LMO7: variants seen among roughly 807,000 people sequenced by gnomAD.
The protein encoded by LMO7 is LIM domain only protein 7.
LMO7 carries 120 observed loss-of-function variants against 206.5 expected under a neutral mutation model. The observed-to-expected ratio is 0.58, with a 90% confidence interval of 0.50 to 0.68. The LOEUF is 0.68. Among genes scored for constraint, LMO7 ranks in the 30% least tolerant of loss-of-function variants. The pLI is 0.00. For synonymous variants in LMO7, 706 were observed against 681.5 expected (o/e 1.04, Z -0.56); for missense variants, 1,959 against 1,957.9 (o/e 1.00, Z -0.01).
intron 1 of LMO7, among the ~76,000 whole-genome samples, chr13:75,677,911 C>A (rs560858790): frequency 6.7e-6 from 1 of 149,992 alleles, no homozygotes; most frequent in African/African-American, 2.5e-5. Flanking sequence ...TTTGTCCTTG[C>A]GATAGTTTGC....
chr13:75,737,752 C>CAAA (rs374266925), intron 3 of LMO7, among the ~76,000 whole-genome samples: 12,190 of 34,884 alleles, frequency 0.35, 2,172 homozygotes, highest in East Asian at 0.45. Context: ...GACTCCGTCT[C>CAAA]AAAAAAAAAA....
At chr13:75,668,117 A>G (rs1382273409) in intron 1 of LMO7, among the ~76,000 whole-genome samples, 1 of 152,206 alleles carries the variant, frequency 6.6e-6, no homozygotes, top group African/African-American at 2.4e-5. Context: ...CTGAGGCACA[A>G]GAATTGCTTG....
At chr13:75,801,490 A>G (rs1327336925) in intron 7 of LMO7, among the ~76,000 whole-genome samples, 2 of 152,198 alleles carry the variant, frequency 1.3e-5, no homozygotes, top group African/African-American at 4.8e-5. Flanking sequence ...CCCAGGACAG[A>G]GCAAGTGTGA....
At chr13:75,837,984 G>A (rs1413863315) in intron 19 of LMO7, among the ~76,000 whole-genome samples, 156 bp from the exon 20 acceptor site, 2 of 152,060 alleles carry the variant, frequency 1.3e-5, no homozygotes, top group Non-Finnish European at 2.9e-5. Flanking sequence ...GTGTGTCCCT[G>A]TGCCTTGAAA....
intron 1 of LMO7, among the ~76,000 whole-genome samples, chr13:75,692,464 C>T (rs928061996): frequency 3.3e-5 from 5 of 151,528 alleles, no homozygotes; most frequent in African/African-American, 1.2e-4. Flanking sequence ...TAACTTACTG[C>T]AGCCTTGAAC....
At chr13:75,713,555 A>T (rs2043292074) in intron 2 of LMO7, among the ~76,000 whole-genome samples, 1 of 152,196 alleles carries the variant, frequency 6.6e-6, no homozygotes, top group Admixed American at 6.5e-5. Context: ...AAGCCTTATG[A>T]CATGTTACCA....
chr13:75,790,849 T>G (rs2053176837), intron 4 of LMO7, among the ~76,000 whole-genome samples: 1 of 152,172 alleles, frequency 6.6e-6, no homozygotes, highest in Non-Finnish European at 1.5e-5. Flanking sequence ...GAAGATTGTG[T>G]CTATGCTGTA....
At chr13:75,796,439 C>G (rs1216517394) in intron 5 of LMO7, among the ~76,000 whole-genome samples, 197 bp from the exon 6 acceptor site, 2 of 152,116 alleles carry the variant, frequency 1.3e-5, no homozygotes, top group African/African-American at 2.4e-5. Context: ...AGAACTTGCT[C>G]AGAGACAGGA....
chr13:75,762,951 C>T lies in LMO7; in HGVS notation c.317+1913C>T, dbSNP rs114341506. 6.0e-3 allele frequency among the ~76,000 whole-genome samples: 916 copies of T among 152,230 alleles called. 9 individuals carry two copies. The highest frequency in any genetic ancestry group is 0.02 in the African/African-American group (832 of 41,542). On this transcript the variant is annotated intron_variant, in intron 4 of 30. Transcript: ENST00000377534. ...AAAAAATGTTGTCCAAGTTCTTATG[C>T]CCTGAGATAGCACTTTTAGTAAAGG...
At chr13:75,665,294 G>A (rs1463215496) in intron 1 of LMO7, among the ~76,000 whole-genome samples, 2 of 151,754 alleles carry the variant, frequency 1.3e-5, no homozygotes, top group Non-Finnish European at 1.5e-5. Flanking sequence ...AATAGTTTAT[G>A]CTTTCCTCTT....
At chr13:75,774,125 A>G (rs1566429018) in intron 4 of LMO7, among the ~76,000 whole-genome samples, 3 of 151,830 alleles carry the variant, frequency 2.0e-5, no homozygotes, top group South Asian at 2.1e-4. Flanking sequence ...AATTTATTCT[A>G]TTTTGTTTAC....
intron 11 of LMO7, among the ~76,000 whole-genome samples, chr13:75,815,208 T>C (rs1212658287): frequency 2.0e-5 from 3 of 152,122 alleles, no homozygotes. Context: ...GGAGATGATG[T>C]GATAATTGTT....
chr13:75,681,675 TG>T (rs1464536618), intron 1 of LMO7, among the ~76,000 whole-genome samples: 1 of 144,484 alleles, frequency 6.9e-6, no homozygotes, highest in Non-Finnish European at 1.5e-5. Context: ...TTTTGTCTTT[TG>T]GGGAATGTCA....
At chr13:75,841,038 G>A (rs1422468028) in intron 22 of LMO7, 71 bp from the exon 23 acceptor site, 1 of 928,400 alleles carries the variant, frequency 1.1e-6, no homozygotes, top group East Asian at 2.6e-5. Context: ...GATCATAAAA[G>A]TGTTAATAAA....
At chr13:75,691,108 G>C (rs1171184772) in intron 1 of LMO7, among the ~76,000 whole-genome samples, 1 of 152,130 alleles carries the variant, frequency 6.6e-6, no homozygotes, top group African/African-American at 2.4e-5. Flanking sequence ...GTTTTGTTAA[G>C]TCCAATTGGA....
intron 1 of LMO7, among the ~76,000 whole-genome samples, chr13:75,712,848 G>A (rs1185666442): frequency 6.6e-6 from 1 of 152,110 alleles, no homozygotes; most frequent in Non-Finnish European, 1.5e-5. Flanking sequence ...TAGTAGAATA[G>A]ATCACCCATA....
chr13:75,663,710 G>A (rs1251334501), intron 1 of LMO7, among the ~76,000 whole-genome samples: 1 of 152,118 alleles, frequency 6.6e-6, no homozygotes. Context: ...GATTACAGGC[G>A]TGAGCCACTG....
At chr13:75,851,998 T>C (rs1385286879) in intron 27 of LMO7, among the ~76,000 whole-genome samples, 1 of 152,172 alleles carries the variant, frequency 6.6e-6, no homozygotes, top group Non-Finnish European at 1.5e-5. Context: ...ATTCAATAAG[T>C]TTAATATTTT....
At chr13:75,717,275 A>G (rs1182960720) in intron 2 of LMO7, among the ~76,000 whole-genome samples, 4 of 150,040 alleles carry the variant, frequency 2.7e-5, no homozygotes. Flanking sequence ...AGGCAGGAGA[A>G]TGGCGTGAAC....
Sources: allele counts gnomAD v4.1 joint callset (sites outside exome capture counted in the v4.1 genomes callset), GRCh38; gene constraint gnomAD v4.1.1; transcripts MANE v1.5; gene names NCBI Gene and HGNC (gene_info 2026-07-23, HGNC 2026-07-21).